Variants in MINDY4B observed in about 807,000 individuals in gnomAD.
MINDY4B encodes MINDY family member 4B, also known as inactive ubiquitin carboxyl-terminal hydrolase MINDY-4B.
MINDY4B carries 25 observed loss-of-function variants against 16.7 expected under a neutral mutation model. The ratio of observed to expected loss-of-function variants is 1.49; its 90% confidence interval spans 1.09 to 2.09. The LOEUF is 2.09. Among genes scored for constraint, MINDY4B ranks in the 30% most tolerant of loss-of-function variants. The probability of loss-of-function intolerance (pLI) is 0.00; values close to 1 mark genes in which losing one functional copy is unlikely to be tolerated. For missense variants in MINDY4B, 327 were observed against 168.4 expected (o/e 1.94, Z -5.21); for synonymous variants, 132 against 61.9 (o/e 2.13, Z -5.32).
chr3:150,871,165 T>C lies in MINDY4B; in HGVS notation c.1263A>G (p.Glu421=). ...LTIDTHSHHW[E]RDQQEEKHGP... ...CATGTTTCTCTTCCTGTTGGTCTCT[T>C]TCCCAGTGATGGGAGTGAGTATCTG... Residue 421 remains glutamate, a synonymous_variant, in exon 12 of 12, where the codon GAA becomes GAG. Transcript: ENST00000465419. 1 of 702,792 alleles carries C rather than the reference T, an allele frequency of 1.4e-6. No individual in the cohort carries two copies. The highest frequency in any genetic ancestry group is 2.6e-6 in the Non-Finnish European group (1 of 384,836). 43.5% of individuals were successfully genotyped at this position (702,792 alleles called of 1,614,324 possible).
chr3:150,896,664 C>T (rs1409132305), intron 3 of MINDY4B, among the ~76,000 whole-genome samples: 1 of 152,130 alleles, frequency 6.6e-6, no homozygotes, highest in Non-Finnish European at 1.5e-5. Context: ...ATCTAGCCAC[C>T]TAGCAAGCCT....
At chr3:150,896,568 C>T (rs572500470) in intron 3 of MINDY4B, among the ~76,000 whole-genome samples, 94 of 152,328 alleles carry the variant, frequency 6.2e-4, no homozygotes, top group African/African-American at 2.0e-3. Flanking sequence ...TTTTGTCCCA[C>T]GGGGCGTTCC....
rs775325565 is a variant in MINDY4B, at chr3:150,905,069, G to A, written c.134C>T (p.Thr45Ile). The A allele has an allele frequency of 1.3e-5, 5 of 398,538 alleles. No individual in the cohort carries two copies. Among genetic ancestry groups the A allele is most frequent in the African/African-American group, 2.1e-5 (1 of 48,750 alleles). The allele number at this position is 398,538 out of a possible 1,614,324, so 24.7% of individuals were successfully genotyped here. A position where few individuals can be genotyped will look rare whatever the true frequency, so the allele number is the denominator to read the frequency against. The change falls in exon 2 of 12, where the codon ACT (threonine) becomes ATT (isoleucine). Residue 45 changes from threonine (T) to isoleucine (I), a missense_variant. Transcript: ENST00000465419. Reference sequence around the variant, plus strand: ...TTTGGGAAAAGTAATTACCTGAGGAGTTGAATTATTGGTTCCCAACCTTTA... The same window carrying A: ...TTTGGGAAAAGTAATTACCTGAGGAATTGAATTATTGGTTCCCAACCTTTA... The part of the protein sequence containing the change: ...SYHRLGTNNS[T>I]PQNHEGNHTS...
intron 3 of MINDY4B, among the ~76,000 whole-genome samples, chr3:150,895,707 T>C (rs905039910): frequency 1.3e-5 from 2 of 152,184 alleles, no homozygotes; most frequent in African/African-American, 4.8e-5. Flanking sequence ...TCAGGTGATC[T>C]GCCGGTCTTG....
intron 10 of MINDY4B, among the ~76,000 whole-genome samples, chr3:150,876,444 A>G (rs1444799302): frequency 1.3e-5 from 2 of 152,194 alleles, no homozygotes; most frequent in Admixed American, 6.5e-5. Context: ...TGCTTTCTTC[A>G]CTGATTCCTG....
chr3:150,892,805 A>T (rs1711850215), intron 5 of MINDY4B, among the ~76,000 whole-genome samples: 1 of 151,634 alleles, frequency 6.6e-6, no homozygotes, highest in Non-Finnish European at 1.5e-5. Context: ...AAATACAAAA[A>T]ATTAGCCGGG....
chr3:150,881,176 A>G (rs1711518608), intron 10 of MINDY4B, among the ~76,000 whole-genome samples: 1 of 152,186 alleles, frequency 6.6e-6, no homozygotes, highest in Non-Finnish European at 1.5e-5. Flanking sequence ...TGAGATCAGG[A>G]GTTTGAGACC....
intron 8 of MINDY4B, among the ~76,000 whole-genome samples, chr3:150,884,427 G>A (rs938866118): frequency 1.5e-4 from 23 of 152,184 alleles, no homozygotes; most frequent in Admixed American, 1.4e-3. Context: ...GGTGAGTACC[G>A]TCGTGGCATC....
chr3:150,898,670 T>G (rs1712036949), intron 3 of MINDY4B, among the ~76,000 whole-genome samples: 1 of 152,174 alleles, frequency 6.6e-6, no homozygotes, highest in South Asian at 2.1e-4. Flanking sequence ...CAAGCATGGT[T>G]TATAGTTTTT....
intron 10 of MINDY4B, among the ~76,000 whole-genome samples, chr3:150,879,185 A>C (rs887097802): frequency 6.6e-6 from 1 of 152,192 alleles, no homozygotes; most frequent in Non-Finnish European, 1.5e-5. Flanking sequence ...TGAAATAGCT[A>C]GTTGGCCAAT....
chr3:150,894,362 C>T (rs1398770939), intron 3 of MINDY4B, 57 bp from the exon 4 acceptor site: 2 of 635,594 alleles, frequency 3.1e-6, no homozygotes, highest in African/African-American at 1.8e-5. Context: ...AGACATATTC[C>T]TCATGGTGGC....
At chr3:150,902,177 A>G (rs1712132784) in intron 3 of MINDY4B, among the ~76,000 whole-genome samples, 1 of 152,196 alleles carries the variant, frequency 6.6e-6, no homozygotes, top group South Asian at 2.1e-4. Context: ...AACTCGATGT[A>G]CATGGCAGGC....
chr3:150,880,707 A>T (rs1374873648), intron 10 of MINDY4B, among the ~76,000 whole-genome samples: 1 of 152,200 alleles, frequency 6.6e-6, no homozygotes, highest in East Asian at 1.9e-4. Context: ...CTTATGAAAG[A>T]GCTTTTGTAA....
At chr3:150,905,259 T>C (rs1712212464) in intron 1 of MINDY4B, 68 bp downstream of exon 1, 1 of 398,326 alleles carries the variant, frequency 2.5e-6, no homozygotes, top group East Asian at 3.6e-5. Context: ...TGCAAGCTTA[T>C]AAGTTGATTA....
chr3:150,879,715 G>C (rs1183481128), intron 10 of MINDY4B, among the ~76,000 whole-genome samples: 3 of 152,182 alleles, frequency 2.0e-5, no homozygotes, highest in Admixed American at 2.0e-4. Context: ...CAAGTGTGGG[G>C]TCCTGTTTGA....
chr3:150,880,519 C>T (rs1252344604), intron 10 of MINDY4B, among the ~76,000 whole-genome samples: 1 of 152,230 alleles, frequency 6.6e-6, no homozygotes, highest in African/African-American at 2.4e-5. Flanking sequence ...ATTTCTGCTG[C>T]AGAAAAGGTT....
At chr3:150,899,468 A>G (rs1454506092) in intron 3 of MINDY4B, among the ~76,000 whole-genome samples, 1 of 152,232 alleles carries the variant, frequency 6.6e-6, no homozygotes, top group African/African-American at 2.4e-5. Context: ...GAAGGAGCAC[A>G]CAAAGGAATG....
intron 3 of MINDY4B, among the ~76,000 whole-genome samples, chr3:150,901,837 C>T (rs947050809): frequency 2.6e-5 from 4 of 152,032 alleles, no homozygotes; most frequent in East Asian, 3.9e-4. Flanking sequence ...GATAGATTTT[C>T]GACAACGAGA....
At chr3:150,885,900 C>G (rs1250370858) in intron 7 of MINDY4B, among the ~76,000 whole-genome samples, 1 of 152,204 alleles carries the variant, frequency 6.6e-6, no homozygotes, top group East Asian at 1.9e-4. Flanking sequence ...CTAACTCCTA[C>G]TTACTAACTT....
Sources: allele counts gnomAD v4.1 joint callset (sites outside exome capture counted in the v4.1 genomes callset), GRCh38; gene constraint gnomAD v4.1.1; transcripts MANE v1.5; gene names NCBI Gene and HGNC (gene_info 2026-07-23, HGNC 2026-07-21).